The following CLCA1 variants were observed in gnomAD, a reference collection of about 807,000 sequenced individuals.
CLCA1 encodes the protein chloride channel accessory 1, also known as calcium-activated chloride channel regulator 1.
Under a neutral mutation model 85.6 loss-of-function variants are expected in CLCA1, and 59 were observed. That is an observed-to-expected ratio of 0.69 (90% confidence interval 0.56 to 0.86). The LOEUF (loss-of-function observed/expected upper bound fraction) is 0.86, where lower values mean the gene tolerates loss of function less well. Ranked by LOEUF, CLCA1 falls within the 40% of genes least tolerant of loss-of-function variation. The pLI is 0.00. For missense variants in CLCA1, 1,022 were observed against 1,101.4 expected (o/e 0.93, Z 1.02); for synonymous variants, 396 against 398.3 (o/e 0.99, Z 0.07).
Position 86,486,593 on chromosome 1 carries a change from G to C in CLCA1, c.1022G>C (p.Gly341Ala), listed in dbSNP as rs1647982930. The C allele has an allele frequency of 6.2e-7, 1 of 1,614,022 alleles. No individual in the cohort carries two copies. Among genetic ancestry groups the C allele is most frequent in the Admixed American group, 1.7e-5 (1 of 59,990 alleles). Residue 341 changes from glycine to alanine, a missense_variant, in exon 7 of 14, where the codon GGG (glycine) becomes GCG (alanine). Physicochemically the swap from Gly to Ala is moderately conservative, Grantham distance 60 (BLOSUM62 0). Coordinates refer to ENST00000394711, the MANE Select transcript of CLCA1 (RefSeq NM_001285.4). ...TTCCTGCTGCAGACAGTTGAGCTGGGGTCCTGGGTTGGGATGGTGACATTT... is the reference window on the plus strand; with the variant it reads ...TTCCTGCTGCAGACAGTTGAGCTGGCGTCCTGGGTTGGGATGGTGACATTT... ...QLFLLQTVEL[G>A]SWVGMVTFDS...
chr1:86,482,491 A>T (rs1247065300), intron 5 of CLCA1, 109 bp downstream of exon 5: 2 of 1,044,080 alleles, frequency 1.9e-6, no homozygotes, highest in Non-Finnish European at 2.8e-6. Flanking sequence ...ATCAGTGAGC[A>T]GTGGATTATC....
rs745568688 is a variant in CLCA1 at position 86,494,173 on chromosome 1, T to C, written c.1681-14T>C. 3.7e-6 allele frequency: 6 copies of C among 1,613,534 alleles called. No homozygotes were observed. Among genetic ancestry groups the C allele is most frequent in the Non-Finnish European group, 5.1e-6 (6 of 1,179,452 alleles). On this transcript the variant is annotated splice_polypyrimidine_tract_variant and intron_variant, in intron 10 of 13. Transcript: ENST00000394711. ...AAGTTATTCATTGGAAATGTTTACA[T>C]GTGTTTTGGTCAGGTTGGCACTTGG...
At chr1:86,481,338 C>T (rs915515850) in intron 4 of CLCA1, among the ~76,000 whole-genome samples, 1 of 151,878 alleles carries the variant, frequency 6.6e-6, no homozygotes, top group Non-Finnish European at 1.5e-5. Flanking sequence ...TGGGTTTCGC[C>T]ATGTTGCCCA....
chr1:86,493,386 TGA>T lies in CLCA1; in HGVS notation c.1471_1472del (p.Ser491Ter), dbSNP rs762296162. On this transcript the variant is annotated frameshift_variant, in exon 10 of 14. Coordinates refer to ENST00000394711, the MANE Select transcript of CLCA1 (RefSeq NM_001285.4). LOFTEE classifies it high-confidence loss of function. ...GAVSQRSIQL[E>X]SKGLTLQNSQ... Reference sequence around the variant, plus strand: ...GTAAGAGCTGTTTTTCTTAACAGCTTGAGAGTAAGGGATTAACCCTCCAGAAC... The same window carrying T: ...GTAAGAGCTGTTTTTCTTAACAGCTTGAGTAAGGGATTAACCCTCCAGAAC... 98 of 1,612,868 alleles carry T rather than the reference TGA, an allele frequency of 6.1e-5. No homozygotes were observed. The Middle Eastern group carries it at 8.5e-4, about 14-fold the overall frequency.
At chr1:86,497,098 T>C (rs756997614) in intron 12 of CLCA1, among the ~76,000 whole-genome samples, 4 of 152,272 alleles carry the variant, frequency 2.6e-5, no homozygotes, top group Non-Finnish European at 5.9e-5. Flanking sequence ...TCTAGCCTTA[T>C]GGCAGCATTT....
chr1:86,474,095 C>T (rs1332780393), intron 3 of CLCA1, among the ~76,000 whole-genome samples: 3 of 152,050 alleles, frequency 2.0e-5, no homozygotes, highest in African/African-American at 7.2e-5. Context: ...TGTATAAATA[C>T]GGTATTTTGA....
At position 86,485,416 on chromosome 1, in the gene CLCA1, G is replaced by A. The variant is rs200090958; in HGVS notation, c.809G>A (p.Arg270Gln). 9.6e-5 allele frequency: 155 copies of A among 1,614,014 alleles called. No individual in the cohort carries two copies. Among genetic ancestry groups the A allele is most frequent in the African/African-American group, 2.5e-4 (19 of 74,920 alleles). ...PNKQNQKCNL[R>Q]STWEVIRDSE... ...AAGCAAAATCAAAAATGCAATCTCC[G>A]AAGCACATGGGAAGTGATCCGTGAT... The change falls in exon 6 of 14, where the codon CGA becomes CAA. Residue 270 changes from arginine (R) to glutamine (Q), a missense_variant. Coordinates refer to ENST00000394711, the MANE Select transcript of CLCA1 (RefSeq NM_001285.4).
In CLCA1 at chr1:86,499,680, A is replaced by C; in HGVS notation, c.2380A>C (p.Thr794Pro). The C allele has an allele frequency of 6.3e-7, 1 of 1,595,214 alleles. No homozygotes were observed. Among genetic ancestry groups the C allele is most frequent in the Non-Finnish European group, 8.6e-7 (1 of 1,164,320 alleles). The change falls in exon 14 of 14, where the codon ACA becomes CCA. Residue 794 changes from threonine to proline, a missense_variant. Coordinates refer to ENST00000394711, the MANE Select transcript of CLCA1 (RefSeq NM_001285.4). Reference protein sequence around the residue: ...TAHKYIIRISTSILDLRDKFN... With the variant: ...TAHKYIIRISPSILDLRDKFN... ...TCACAAGTATATCATTCGAATAAGT[A>C]CAAGTATTCTTGATCTCAGAGACAA...
At position 86,495,695 on chromosome 1, in the gene CLCA1, A is replaced by G. The variant is rs1648265608; in HGVS notation, c.2113+20A>G. On this transcript the variant is annotated intron_variant, in intron 12 of 13. Transcript: ENST00000394711. ...AGAATGGTAAGTAATTTGTAATAACATACCTGGCTTGTGCAAAAGCATTGG... is the reference window on the plus strand; with the variant it reads ...AGAATGGTAAGTAATTTGTAATAACGTACCTGGCTTGTGCAAAAGCATTGG... 1 of 1,591,800 alleles carries G rather than the reference A, an allele frequency of 6.3e-7. No homozygotes were observed. Among genetic ancestry groups the G allele is most frequent in the African/African-American group, 1.3e-5 (1 of 74,454 alleles).
In CLCA1 at chr1:86,471,146, C is replaced by T. The variant is rs912273034; in HGVS notation, c.162+2013C>T. ...ACACACGCAGACATACACGCACACA[C>T]GCACGTCAGAAGGTACACAGTAGGG... On this transcript the variant is annotated intron_variant, in intron 1 of 13. Coordinates refer to ENST00000394711, the MANE Select transcript of CLCA1 (RefSeq NM_001285.4). 4.6e-5 allele frequency among the ~76,000 whole-genome samples: 7 copies of T among 151,888 alleles called. No individual in the cohort carries two copies. In the South Asian group the frequency reaches 6.2e-4, roughly 14 times the overall value.
At chr1:86,472,083 C>G (rs1483680947) in intron 1 of CLCA1, among the ~76,000 whole-genome samples, 1 of 150,890 alleles carries the variant, frequency 6.6e-6, no homozygotes, top group African/African-American at 2.4e-5. Flanking sequence ...ACAAACAAAA[C>G]TGTCTTGTCC....
At position 86,473,403 on chromosome 1, in the gene CLCA1, C is replaced by T; in HGVS notation, c.163-14C>T. Reference sequence around the variant, plus strand: ...TTCAGTCAATTGTTACGTATGTTTTCTTTTTCTTCCCAGGACATGGTGACC... The same window carrying T: ...TTCAGTCAATTGTTACGTATGTTTTTTTTTTCTTCCCAGGACATGGTGACC... On this transcript the variant is annotated splice_polypyrimidine_tract_variant and intron_variant, in intron 1 of 13. Coordinates refer to ENST00000394711, the MANE Select transcript of CLCA1 (RefSeq NM_001285.4). 1 of 1,513,508 alleles carries T rather than the reference C, an allele frequency of 6.6e-7. No homozygotes were observed. The highest frequency in any genetic ancestry group is 9.0e-7 in the Non-Finnish European group (1 of 1,117,176). 93.8% of individuals were successfully genotyped at this position (1,513,508 alleles called of 1,614,324 possible).
At chr1:86,475,692 T>C (rs1157069471) in intron 3 of CLCA1, among the ~76,000 whole-genome samples, 1 of 152,056 alleles carries the variant, frequency 6.6e-6, no homozygotes, top group African/African-American at 2.4e-5. Flanking sequence ...GGGAAGGAAG[T>C]ATTCCAAGCT....
chr1:86,473,491 T>A lies in CLCA1; in HGVS notation c.237T>A (p.Ile79=), dbSNP rs1451398773. ...GKRFYFKNVA[I]LIPETWKTKA... is the part of the protein sequence containing the mutation. The stretch of plus-strand genomic sequence containing the variant: ...GATTTTATTTCAAAAATGTTGCCAT[T>A]TTGATTCCTGAAACATGGAAGACAA... The change falls in exon 2 of 14, where the codon ATT becomes ATA. Residue 79 remains isoleucine (I), a synonymous_variant. Transcript: ENST00000394711. 2.5e-6 allele frequency: 4 copies of A among 1,611,982 alleles called. No homozygotes were observed. Among genetic ancestry groups the A allele is most frequent in the Non-Finnish European group, 3.4e-6 (4 of 1,178,378 alleles).
Position 86,473,437 on chromosome 1 carries a change from T to G in CLCA1, c.183T>G (p.Ser61=). 1 of 1,597,708 alleles carries G rather than the reference T, an allele frequency of 6.3e-7. No individual in the cohort carries two copies. The highest frequency in any genetic ancestry group is 8.6e-7 in the Non-Finnish European group (1 of 1,168,118). The change falls in exon 2 of 14, where the codon TCT becomes TCG. Residue 61 remains serine (S), a synonymous_variant. Coordinates refer to ENST00000394711, the MANE Select transcript of CLCA1 (RefSeq NM_001285.4). The stretch of plus-strand genomic sequence containing the variant: ...CCCAGGACATGGTGACCCAGGCATC[T>G]CTGTATCTGCTTGAAGCTACAGGAA... ...QQIKDMVTQA[S]LYLLEATGKR... is the part of the protein sequence containing the mutation.
At chr1:86,495,861 C>T (rs920935533) in intron 12 of CLCA1, among the ~76,000 whole-genome samples, 186 bp downstream of exon 12, 2 of 152,176 alleles carry the variant, frequency 1.3e-5, no homozygotes, top group African/African-American at 4.8e-5. Context: ...GCATGTTTAG[C>T]AGCATCCTTA....
At chr1:86,470,268 G>C (rs981479579) in intron 1 of CLCA1, among the ~76,000 whole-genome samples, 1 of 152,190 alleles carries the variant, frequency 6.6e-6, no homozygotes, top group Admixed American at 6.5e-5. Context: ...AGAGTGGAGG[G>C]TGTCACTCAC....
chr1:86,486,763 G>A lies in CLCA1; in HGVS notation c.1182+10G>A. The A allele has an allele frequency of 6.2e-7, 1 of 1,611,846 alleles. No individual in the cohort carries two copies. The highest frequency in any genetic ancestry group is 1.1e-5 in the South Asian group (1 of 91,032). On this transcript the variant is annotated intron_variant, in intron 7 of 13. Transcript: ENST00000394711. ...TCGATCGGCATTTACTGTGAGATGT[G>A]TTTTTCTATTGTAGTTTGGAATGTT...
intron 8 of CLCA1, among the ~76,000 whole-genome samples, chr1:86,489,639 C>T (rs1479042539): frequency 1.3e-5 from 2 of 152,190 alleles, no homozygotes; most frequent in African/African-American, 4.8e-5. Context: ...GCATGTTAAA[C>T]AAGGCAAAAG....
Sources: allele counts gnomAD v4.1 joint callset (sites outside exome capture counted in the v4.1 genomes callset), GRCh38; gene constraint gnomAD v4.1.1; transcripts MANE v1.5; gene names NCBI Gene and HGNC (gene_info 2026-07-23, HGNC 2026-07-21).